MAD2L1BP: variants seen among roughly 807,000 people sequenced by gnomAD.
MAD2L1BP encodes MAD2L1-binding protein.
MAD2L1BP carries 22 observed loss-of-function variants against 28.4 expected under a neutral mutation model. That is an observed-to-expected ratio of 0.77 (90% confidence interval 0.55 to 1.10). The LOEUF (loss-of-function observed/expected upper bound fraction) is 1.10. Ranked by LOEUF, MAD2L1BP falls within the 50% of genes least tolerant of loss-of-function variation. MAD2L1BP has a pLI of 0.00. For synonymous variants in MAD2L1BP, 146 were observed against 133.7 expected (o/e 1.09, Z -0.63); for missense variants, 325 against 350.5 (o/e 0.93, Z 0.58).
intron 2 of MAD2L1BP, chr6:43,636,994 C>T (rs745468394): frequency 5.3e-6 from 1 of 187,244 alleles, no homozygotes. Context: ...TCTGCTGCCT[C>T]AGCCTCCCGA....
At chr6:43,635,989 A>T in intron 1 of MAD2L1BP, 68 bp downstream of exon 1, 1 of 1,460,222 alleles carries the variant, frequency 6.8e-7, no homozygotes, top group Middle Eastern at 1.9e-4. Context: ...CGCGCCATCC[A>T]TTCGTTTATC....
chr6:43,635,805 G>A (rs1420986766), upstream of MAD2L1BP: 3 of 1,406,970 alleles, frequency 2.1e-6, no homozygotes, highest in East Asian at 3.0e-5. Context: ...CGGAAGTGGA[G>A]GCGCGGGCTT....
rs763324824 is a variant in MAD2L1BP, at chr6:43,636,599, C to T, written c.265C>T (p.Leu89=). The T allele has an allele frequency of 6.2e-7, 1 of 1,614,222 alleles. No homozygotes were observed. The highest frequency in any genetic ancestry group is 8.5e-7 in the Non-Finnish European group (1 of 1,180,040). Residue 89 remains leucine (L), a synonymous_variant, in exon 2 of 3, where the codon CTG becomes TTG. Transcript: ENST00000372171. ...HIMYQRQQLP[L]PYEQLKHFYR... ...CATGTATCAACGCCAGCAGCTCCCTCTGCCCTATGAACAGCTTAAGCACTT... is the reference window on the plus strand; with the variant it reads ...CATGTATCAACGCCAGCAGCTCCCTTTGCCCTATGAACAGCTTAAGCACTT...
chr6:43,640,574 T>C lies in MAD2L1BP; in HGVS notation c.*41T>C. 2.6e-6 allele frequency: 4 copies of C among 1,522,470 alleles called. No homozygotes were observed. The highest frequency in any genetic ancestry group is 3.5e-6 in the Non-Finnish European group (4 of 1,134,742). The allele number at this position is 1,522,470 out of a possible 1,614,324, so 94.3% of individuals were successfully genotyped here. On this transcript the variant is annotated 3_prime_UTR_variant, in exon 3 of 3. Coordinates refer to ENST00000372171, the MANE Select transcript of MAD2L1BP (RefSeq NM_014628.3). The stretch of plus-strand genomic sequence containing the variant: ...TCCTAAAAACACAATGGCTGAATTA[T>C]CTTTCTCCATGTGGCGCTGAATCAC...
chr6:43,630,005 T>C (rs1322493651), intron 1 of MAD2L1BP, among the ~76,000 whole-genome samples: 1 of 152,106 alleles, frequency 6.6e-6, no homozygotes, highest in East Asian at 1.9e-4. Flanking sequence ...CGAGTATTCC[T>C]CCTCCCCTTT....
At chr6:43,633,170 T>C (rs982317721), upstream of MAD2L1BP, 8 of 432,380 alleles carry the variant, frequency 1.9e-5, no homozygotes, top group African/African-American at 1.7e-4. Context: ...TTAATCATTG[T>C]ACTTTTTTTT....
In MAD2L1BP at chr6:43,636,715, A is replaced by AG. The variant is rs1770245662; in HGVS notation, c.312+74dup. The AG allele has an allele frequency of 9.1e-6, 14 of 1,542,174 alleles. No homozygotes were observed. In the African/African-American group the frequency reaches 1.1e-4, roughly 12 times the overall value. On this transcript the variant is annotated intron_variant, in intron 2 of 2. Transcript: ENST00000372171. ...GCTCTTAGATGGGAGGCAGGTAGAA[A>AG]GGGGGTCTAAGAAATCTTCAAAGCC...
At chr6:43,634,390 T>C (rs1018955413), upstream of MAD2L1BP, among the ~76,000 whole-genome samples, 2 of 151,378 alleles carry the variant, frequency 1.3e-5, no homozygotes, top group African/African-American at 2.4e-5. Context: ...TGGCTAACTT[T>C]AAAAAAAAAT....
At chr6:43,635,779 T>TC, upstream of MAD2L1BP, 1 of 1,315,068 alleles carries the variant, frequency 7.6e-7, no homozygotes, top group South Asian at 1.7e-5. Flanking sequence ...GCGCCTTTTT[T>TC]CCGACCCAAC....
At chr6:43,633,068 A>G (rs958240938), upstream of MAD2L1BP, 5 of 350,244 alleles carry the variant, frequency 1.4e-5, no homozygotes, top group East Asian at 9.5e-5. Flanking sequence ...GACTCAAGCA[A>G]TCCCTCTGCC....
Position 43,640,318 on chromosome 6 carries a change from C to A in MAD2L1BP, c.610C>A (p.Gln204Lys). The change falls in exon 3 of 3, where the codon CAG becomes AAG. Residue 204 changes from glutamine to lysine, a missense_variant. By Grantham distance (53) the Gln-to-Lys change is moderately conservative. Transcript: ENST00000372171. ...IFMADAFSELQAPPLMGTVVM... is the reference protein window; with the variant it reads ...IFMADAFSELKAPPLMGTVVM... ...CATGGCTGATGCCTTTAGCGAGCTT[C>A]AGGCTCCTCCACTCATGGGCACCGT... 2 of 1,613,610 alleles carry A rather than the reference C, an allele frequency of 1.2e-6. No individual in the cohort carries two copies. Among genetic ancestry groups the A allele is most frequent in the Non-Finnish European group, 1.7e-6 (2 of 1,179,742 alleles).
upstream of MAD2L1BP, chr6:43,635,759 C>G: frequency 9.4e-7 from 1 of 1,064,352 alleles, no homozygotes; most frequent in Non-Finnish European, 1.3e-6. Context: ...CCCCACACTG[C>G]GGCGACGCCG....
intron 2 of MAD2L1BP, among the ~76,000 whole-genome samples, chr6:43,639,534 GTCTT>G: frequency 6.6e-6 from 1 of 152,262 alleles, no homozygotes; most frequent in South Asian, 2.1e-4. Flanking sequence ...TTCTTTGTCA[GTCTT>G]TCCTCTTCTT....
At chr6:43,636,354 T>C in intron 1 of MAD2L1BP, 27 bp from the exon 2 acceptor site, 1 of 1,606,886 alleles carries the variant, frequency 6.2e-7, no homozygotes, top group Non-Finnish European at 8.5e-7. Flanking sequence ...TTAATTTTTC[T>C]CTCTTGTCCC....
At chr6:43,636,854 C>T in intron 2 of MAD2L1BP, 2 of 605,580 alleles carry the variant, frequency 3.3e-6, no homozygotes, top group Non-Finnish European at 5.7e-6. Context: ...TCACGTGTTG[C>T]ATTTGGACTT....
At chr6:43,635,148 G>A (rs1770126764), upstream of MAD2L1BP, among the ~76,000 whole-genome samples, 1 of 152,086 alleles carries the variant, frequency 6.6e-6, no homozygotes, top group Admixed American at 6.6e-5. Flanking sequence ...AACCTTTCAA[G>A]GCTTCCCCAT....
intron 2 of MAD2L1BP, among the ~76,000 whole-genome samples, chr6:43,638,597 C>A (rs1770386501): frequency 6.6e-6 from 1 of 151,364 alleles, no homozygotes; most frequent in African/African-American, 2.4e-5. Context: ...GAGATTGAGA[C>A]CATCCTGGCT....
chr6:43,634,220 C>CTTTTTTTTTT (rs751773637), upstream of MAD2L1BP, among the ~76,000 whole-genome samples: 71 of 103,676 alleles, frequency 6.8e-4, no homozygotes, highest in African/African-American at 2.1e-3. Context: ...TTCTTTTTTT[C>CTTTTTTTTTT]TTTTTTTTTT....
At chr6:43,639,382 G>T (rs560982081) in intron 2 of MAD2L1BP, among the ~76,000 whole-genome samples, 2 of 152,168 alleles carry the variant, frequency 1.3e-5, no homozygotes, top group East Asian at 3.9e-4. Context: ...CTTGTGATCC[G>T]CCCGCCTCGG....
Sources: gnomAD v4.1 joint callset for allele counts (sites outside exome capture counted in the v4.1 genomes callset) on GRCh38, gnomAD v4.1.1 for gene constraint, MANE v1.5 for transcripts, NCBI Gene and HGNC (gene_info 2026-07-23, HGNC 2026-07-21) for gene names.